DNASE1L2: variants seen among roughly 807,000 people sequenced by gnomAD.
DNASE1L2 encodes deoxyribonuclease 1 like 2.
Under a neutral mutation model 31.8 loss-of-function variants are expected in DNASE1L2, and 35 were observed. The ratio of observed to expected loss-of-function variants is 1.10; its 90% CI spans 0.84 to 1.46. DNASE1L2 has a LOEUF of 1.46. DNASE1L2 is among the 40% of genes most tolerant of loss of function. The pLI, the probability that DNASE1L2 is intolerant of heterozygous loss-of-function variation, is 0.00. For missense variants in DNASE1L2, 504 were observed against 418.8 expected (o/e 1.20, Z -1.77); for synonymous variants, 211 against 186.5 (o/e 1.13, Z -1.07).
chr16:2,237,456 A>T lies in DNASE1L2; in HGVS notation c.398A>T (p.Lys133Met). ...TTCAGCCGCGAGCCCTTCGTGGTCAAGTTCTCGGCCCCCGGCACCGGTGAG... is the reference window on the plus strand; with the variant it reads ...TTCAGCCGCGAGCCCTTCGTGGTCATGTTCTCGGCCCCCGGCACCGGTGAG... The part of the protein sequence containing the change: ...DVFSREPFVV[K>M]FSAPGTGERA... The change falls in exon 5 of 7, where the codon AAG becomes ATG. Residue 133 changes from lysine (K) to methionine (M), a missense_variant. Coordinates refer to ENST00000320700, the MANE Select transcript of DNASE1L2 (RefSeq NM_001374.3). The T allele has an allele frequency of 6.3e-7, 1 of 1,586,640 alleles. No homozygotes were observed. Among genetic ancestry groups the T allele is most frequent in the Non-Finnish European group, 8.6e-7 (1 of 1,168,894 alleles).
At position 2,237,941 on chromosome 16, in the gene DNASE1L2, C is replaced by G; in HGVS notation, c.766C>G (p.Arg256Gly). 6.2e-7 allele frequency: 1 copy of G among 1,610,460 alleles called. No homozygotes were observed. Among genetic ancestry groups the G allele is most frequent in the South Asian group, 1.1e-5 (1 of 90,870 alleles). ...AYDRIVACGA[R>G]LRRSLKPQSA... ...CGACCGCATTGTGGCCTGTGGCGCC[C>G]GCCTGCGCCGGAGCCTGAAGCCCCA... The change falls in exon 6 of 7, where the codon CGC becomes GGC. Residue 256 changes from arginine to glycine, a missense_variant. By Grantham distance (125) the Arg-to-Gly change is moderately radical (BLOSUM62 -2). Coordinates refer to ENST00000320700, the MANE Select transcript of DNASE1L2 (RefSeq NM_001374.3).
Position 2,237,227 on chromosome 16 carries a change from G to A in DNASE1L2, c.243G>A (p.Glu81=), listed in dbSNP as rs1567308918. 1.3e-5 allele frequency: 20 copies of A among 1,576,624 alleles called. No individual in the cohort carries two copies. The highest frequency in any genetic ancestry group is 1.7e-5 in the Non-Finnish European group (20 of 1,161,962). ...ALMEQINSVS[E]HEYSFVSSQP... ...GCCCCTGTCTCCGCAGCGTGTCCGA[G>A]CACGAGTACAGCTTTGTGAGCAGCC... is the stretch of plus-strand genomic sequence containing the variant. The change falls in exon 4 of 7, where the codon GAG becomes GAA. Residue 81 remains glutamate, a synonymous_variant. Coordinates refer to ENST00000320700, the MANE Select transcript of DNASE1L2 (RefSeq NM_001374.3).
rs1013461772 is a variant in DNASE1L2, at chr16:2,236,538, G to A, written c.-62G>A. On this transcript the variant is annotated 5_prime_UTR_variant, in exon 1 of 7. Transcript: ENST00000320700. ...CATCCCCCTAGGATCTCTGAGCCTC[G>A]GGCCTCTGCACCCACATCCAAGGTG... 2.4e-6 allele frequency: 3 copies of A among 1,227,422 alleles called. No individual in the cohort carries two copies. The highest frequency in any genetic ancestry group is 3.4e-5 in the East Asian group (1 of 29,738). 76.0% of individuals were successfully genotyped at this position (1,227,422 alleles called of 1,614,324 possible). A position where few individuals can be genotyped will look rare whatever the true frequency, so the allele number is the denominator to read the frequency against.
rs2093517528 is a variant in DNASE1L2, at chr16:2,237,894, T to TG, written c.722dup (p.Asn242GlnfsTer148). On this transcript the variant is annotated frameshift_variant, in exon 6 of 7. Coordinates refer to ENST00000320700, the MANE Select transcript of DNASE1L2 (RefSeq NM_001374.3). LOFTEE classifies it high-confidence loss of function. The stretch of plus-strand genomic sequence containing the variant: ...ATCCCTGACAGCGCCGACACCACGG[T>TG]GGGCAACTCAGACTGCGCCTACGAC... 4.3e-6 allele frequency: 7 copies of TG among 1,612,596 alleles called. No homozygotes were observed. The highest frequency in any genetic ancestry group is 5.1e-6 in the Non-Finnish European group (6 of 1,179,830).
chr16:2,237,485 G>GCC lies in DNASE1L2; in HGVS notation c.430_431dup (p.Pro145ArgfsTer9). On this transcript the variant is annotated frameshift_variant, in exon 5 of 7. Coordinates refer to ENST00000320700, the MANE Select transcript of DNASE1L2 (RefSeq NM_001374.3). LOFTEE classifies it high-confidence loss of function. ...CTCGGCCCCCGGCACCGGTGAGCGG[G>GCC]CCCCGCCCCTCCCCTCCCGCCGAGC... 1.3e-6 allele frequency: 2 copies of GCC among 1,567,648 alleles called. No homozygotes were observed. Among genetic ancestry groups the GCC allele is most frequent in the Non-Finnish European group, 1.7e-6 (2 of 1,157,950 alleles).
At chr16:2,238,063 C>T (rs780928593) in intron 6 of DNASE1L2, 45 bp downstream of exon 6, 13 of 1,546,512 alleles carry the variant, frequency 8.4e-6, no homozygotes, top group South Asian at 3.6e-5. Flanking sequence ...CCCCACCGCC[C>T]GGGCGCACGC....
At chr16:2,236,597 G>A (rs1308784252) in intron 1 of DNASE1L2, 37 bp downstream of exon 1, 3 of 1,345,254 alleles carry the variant, frequency 2.2e-6, no homozygotes, top group Non-Finnish European at 2.8e-6. Context: ...GGGCTGGATG[G>A]GCCGGACCCT....
At position 2,237,366 on chromosome 16, in the gene DNASE1L2, C is replaced by G. The variant is rs749131508; in HGVS notation, c.318-10C>G. On this transcript the variant is annotated splice_polypyrimidine_tract_variant and intron_variant, in intron 4 of 6. Transcript: ENST00000320700. ...GGTCGGGGGCTCAGCGGGTCCTCCCCATCTCCTAGGAAAGACGCGGTGTCG... is the reference window on the plus strand; with the variant it reads ...GGTCGGGGGCTCAGCGGGTCCTCCCGATCTCCTAGGAAAGACGCGGTGTCG... The G allele has an allele frequency of 6.2e-7, 1 of 1,602,246 alleles. No homozygotes were observed. The highest frequency in any genetic ancestry group is 1.1e-5 in the South Asian group (1 of 89,530).
Position 2,236,569 on chromosome 16 carries a change from C to G in DNASE1L2, c.-40+9C>G, listed in dbSNP as rs935862691. ...CTGCACCCACATCCAAGGTGAGTCT[C>G]TCGGCTGCCCTGAGCTGGGGCTGGA... is the stretch of plus-strand genomic sequence containing the variant. On this transcript the variant is annotated intron_variant, in intron 1 of 6. Transcript: ENST00000320700. 1.6e-6 allele frequency: 2 copies of G among 1,282,932 alleles called. No homozygotes were observed. Among genetic ancestry groups the G allele is most frequent in the African/African-American group, 1.6e-5 (1 of 64,318 alleles). 79.5% of individuals were successfully genotyped at this position (1,282,932 alleles called of 1,614,324 possible). A position where few individuals can be genotyped will look rare whatever the true frequency, so the allele number is the denominator to read the frequency against.
intron 1 of DNASE1L2, 100 bp from the exon 2 acceptor site, chr16:2,236,678 C>T: frequency 7.1e-7 from 1 of 1,417,886 alleles, no homozygotes. Flanking sequence ...GCCCTGGGAG[C>T]CTGCAGAACG....
At position 2,237,664 on chromosome 16, in the gene DNASE1L2, C is replaced by G. The variant is rs776161214; in HGVS notation, c.591+15C>G. 7 of 1,592,110 alleles carry G rather than the reference C, an allele frequency of 4.4e-6. No homozygotes were observed. In the African/African-American group the frequency reaches 9.4e-5, roughly 21 times the overall value. On this transcript the variant is annotated intron_variant, in intron 5 of 6. Coordinates refer to ENST00000320700, the MANE Select transcript of DNASE1L2 (RefSeq NM_001374.3). ...GGGGCACCGACGTAAGCCCACCCCT[C>G]GGTCCCGGGGTCCCTGCAGGCGCGC... is the stretch of plus-strand genomic sequence containing the variant.
Position 2,236,775 on chromosome 16 carries a change from T to C in DNASE1L2, c.-39-3T>C. The C allele has an allele frequency of 6.5e-7, 1 of 1,549,416 alleles. No homozygotes were observed. Among genetic ancestry groups the C allele is most frequent in the Admixed American group, 1.9e-5 (1 of 52,582 alleles). ...CGGTGGGTCTGACAGCGGGTCTGCG[T>C]AGGCGGCAGCGTCTGTCCCTCCCAG... On this transcript the variant is annotated splice_polypyrimidine_tract_variant and splice_region_variant and intron_variant, in intron 1 of 6. Transcript: ENST00000320700.
At position 2,237,953 on chromosome 16, in the gene DNASE1L2, A is replaced by G. The variant is rs866004332; in HGVS notation, c.778A>G (p.Ser260Gly). The G allele has an allele frequency of 1.9e-6, 3 of 1,610,556 alleles. No homozygotes were observed. In the African/African-American group the frequency reaches 4.0e-5, roughly 21 times the overall value. ...IVACGARLRR[S>G]LKPQSATVHD... is the part of the protein sequence containing the mutation. ...GGCCTGTGGCGCCCGCCTGCGCCGGAGCCTGAAGCCCCAGTCGGCCACCGT... is the reference window on the plus strand; with the variant it reads ...GGCCTGTGGCGCCCGCCTGCGCCGGGGCCTGAAGCCCCAGTCGGCCACCGT... The change falls in exon 6 of 7, where the codon AGC becomes GGC. Residue 260 changes from serine (S) to glycine (G), a missense_variant. Coordinates refer to ENST00000320700, the MANE Select transcript of DNASE1L2 (RefSeq NM_001374.3).
rs777547689 is a variant in DNASE1L2, at chr16:2,237,205, CCT to C, written c.234-12_234-11del. The C allele has an allele frequency of 2.2e-5, 35 of 1,562,384 alleles. 1 individual carries two copies. The highest frequency in any genetic ancestry group is 1.8e-4 in the African/African-American group (13 of 73,904). On this transcript the variant is annotated splice_polypyrimidine_tract_variant and intron_variant, in intron 3 of 6. Transcript: ENST00000320700. Reference sequence around the variant, plus strand: ...GCGGCGCCCCGACCCTGAGCGGGCCCCTGTCTCCGCAGCGTGTCCGAGCACGA... The same window carrying C: ...GCGGCGCCCCGACCCTGAGCGGGCCCGTCTCCGCAGCGTGTCCGAGCACGA...
At position 2,238,615 on chromosome 16, in the gene DNASE1L2, G is replaced by A. The variant is rs892688765; in HGVS notation, c.*197G>A. The stretch of plus-strand genomic sequence containing the variant: ...ATCTGTGGGACGGGCTGCATCCAGC[G>A]ACCTCATGGGGTGTTGTGAGCCCCA... On this transcript the variant is annotated 3_prime_UTR_variant, in exon 7 of 7. Coordinates refer to ENST00000320700, the MANE Select transcript of DNASE1L2 (RefSeq NM_001374.3). 7.4e-5 allele frequency: 49 copies of A among 659,946 alleles called. No homozygotes were observed. Among genetic ancestry groups the A allele is most frequent in the East Asian group, 2.7e-5 (1 of 36,398 alleles). The allele number at this position is 659,946 out of a possible 1,614,324, so 40.9% of individuals were successfully genotyped here. A position where few individuals can be genotyped will look rare whatever the true frequency, so the allele number is the denominator to read the frequency against.
chr16:2,237,017 G>T (rs1233302826), intron 2 of DNASE1L2, 21 bp from the exon 3 acceptor site: 2 of 1,544,798 alleles, frequency 1.3e-6, no homozygotes, highest in Non-Finnish European at 1.7e-6. Flanking sequence ...GCTGACCCCC[G>T]CACCCGCCGC....
At position 2,237,490 on chromosome 16, in the gene DNASE1L2, G is replaced by GCCCC; in HGVS notation, c.433_436dup (p.Leu146ProfsTer82). ...CCCCCGGCACCGGTGAGCGGGCCCC[G>GCCCC]CCCCTCCCCTCCCGCCGAGCTCTGA... On this transcript the variant is annotated frameshift_variant, in exon 5 of 7. Transcript: ENST00000320700. LOFTEE classifies it high-confidence loss of function. 2.9e-6 allele frequency: 3 copies of GCCCC among 1,028,246 alleles called. No homozygotes were observed. The highest frequency in any genetic ancestry group is 4.1e-6 in the Non-Finnish European group (3 of 729,746). The allele number at this position is 1,028,246 out of a possible 1,614,324, so 63.7% of individuals were successfully genotyped here. A position where few individuals can be genotyped will look rare whatever the true frequency, so the allele number is the denominator to read the frequency against.
chr16:2,237,194 C>A (rs1422591990), intron 3 of DNASE1L2, 24 bp from the exon 4 acceptor site: 7 of 1,555,622 alleles, frequency 4.5e-6, no homozygotes, highest in Non-Finnish European at 6.1e-6. Context: ...CGCCCCGACC[C>A]TGAGCGGGCC....
Position 2,237,475 on chromosome 16 carries a change from C to CA in DNASE1L2, c.417_418insA (p.Gly140ArgfsTer2), listed in dbSNP as rs1567309263. ...TGGTCAAGTTCTCGGCCCCCGGCACCGGTGAGCGGGCCCCGCCCCTCCCCT... is the reference window on the plus strand; with the variant it reads ...TGGTCAAGTTCTCGGCCCCCGGCACCAGGTGAGCGGGCCCCGCCCCTCCCCT... On this transcript the variant is annotated frameshift_variant, in exon 5 of 7. Coordinates refer to ENST00000320700, the MANE Select transcript of DNASE1L2 (RefSeq NM_001374.3). LOFTEE classifies it high-confidence loss of function. The CA allele has an allele frequency of 6.3e-7, 1 of 1,577,314 alleles. No individual in the cohort carries two copies. The highest frequency in any genetic ancestry group is 1.3e-5 in the African/African-American group (1 of 74,372).
Sources: gnomAD v4.1 joint callset for allele counts on GRCh38, gnomAD v4.1.1 for gene constraint, MANE v1.5 for transcripts, NCBI Gene and HGNC (gene_info 2026-07-23, HGNC 2026-07-21) for gene names.